PRIMA1: variants seen among roughly 807,000 people sequenced by gnomAD.
The protein encoded by PRIMA1 is proline-rich membrane anchor 1.
In PRIMA1, 7 loss-of-function variants were observed where a neutral mutation model predicts 17.5. The observed-to-expected ratio is 0.40, with a 90% confidence interval of 0.23 to 0.75. The LOEUF is 0.75. Ranked by LOEUF, PRIMA1 falls within the 30% of genes least tolerant of loss-of-function variation. The pLI is 0.37. For missense variants in PRIMA1, 200 were observed against 201.8 expected (o/e 0.99, Z 0.05); for synonymous variants, 97 against 77.9 (o/e 1.25, Z -1.29).
In PRIMA1 at chr14:93,788,482, G is replaced by C. The variant is rs568606280; in HGVS notation, c.-104C>G. On this transcript the variant is annotated 5_prime_UTR_variant, in exon 1 of 5. Transcript: ENST00000393140. ...TCCGCGTTCCCCCCGCGGCAGCTCT[G>C]TTTCCCAGCAGCCGGACAGCCCCCA... is the stretch of plus-strand genomic sequence containing the variant. 4 of 152,424 alleles carry C rather than the reference G, an allele frequency of 2.6e-5. No homozygotes were observed. The East Asian group carries it at 5.8e-4, about 22-fold the overall frequency. 9.4% of individuals were successfully genotyped at this position (152,424 alleles called of 1,614,324 possible).
intron 3 of PRIMA1, among the ~76,000 whole-genome samples, chr14:93,759,305 G>A (rs964072075): frequency 1.5e-4 from 23 of 152,078 alleles, no homozygotes; most frequent in Non-Finnish European, 2.2e-4. Context: ...AGTAAATGCC[G>A]GTAGTGCTTA....
chr14:93,765,457 T>C (rs1884866581), intron 3 of PRIMA1, among the ~76,000 whole-genome samples: 1 of 149,706 alleles, frequency 6.7e-6, no homozygotes, highest in Non-Finnish European at 1.5e-5. Context: ...AATTTCATAA[T>C]AAGATGAGCT....
At chr14:93,730,248 G>A (rs900893009) in intron 4 of PRIMA1, among the ~76,000 whole-genome samples, 5 of 152,216 alleles carry the variant, frequency 3.3e-5, no homozygotes, top group African/African-American at 4.8e-5. Flanking sequence ...CCACGCATTC[G>A]CAAGGGTGTG....
chr14:93,733,586 G>A (rs967519762), intron 4 of PRIMA1, among the ~76,000 whole-genome samples: 1 of 152,020 alleles, frequency 6.6e-6, no homozygotes, highest in African/African-American at 2.4e-5. Flanking sequence ...CATCCTCTTG[G>A]CAACCTGGCT....
intron 2 of PRIMA1, among the ~76,000 whole-genome samples, chr14:93,779,996 G>A (rs11626167): frequency 0.35 from 52,524 of 152,146 alleles, 9,670 homozygotes; most frequent in Non-Finnish European, 0.41. Flanking sequence ...CCCACCCCTC[G>A]TGGGATCATG....
intron 3 of PRIMA1, among the ~76,000 whole-genome samples, chr14:93,746,456 G>A (rs887683098): frequency 1.3e-5 from 2 of 152,112 alleles, no homozygotes; most frequent in African/African-American, 4.8e-5. Flanking sequence ...TGGCTGGAGT[G>A]CAGGCCCGGA....
At chr14:93,743,082 C>T (rs751675329) in intron 3 of PRIMA1, among the ~76,000 whole-genome samples, 6 of 152,272 alleles carry the variant, frequency 3.9e-5, no homozygotes, top group African/African-American at 1.4e-4. Flanking sequence ...ATAGGAATGC[C>T]GTCTGAGTCT....
chr14:93,748,041 T>TGTGA (rs146271876), intron 3 of PRIMA1, among the ~76,000 whole-genome samples: 123,828 of 150,166 alleles, frequency 0.82, 51,611 homozygotes, highest in Non-Finnish European at 0.87. Context: ...TGTGTGGGAG[T>TGTGA]GTGTGAGTGT....
At chr14:93,730,699 T>C (rs1454032486) in intron 4 of PRIMA1, among the ~76,000 whole-genome samples, 1 of 152,210 alleles carries the variant, frequency 6.6e-6, no homozygotes, top group African/African-American at 2.4e-5. Flanking sequence ...ACACATTCAG[T>C]AAGAACTAAC....
intron 3 of PRIMA1, among the ~76,000 whole-genome samples, chr14:93,752,143 C>T (rs1207975329): frequency 3.9e-5 from 6 of 152,318 alleles, no homozygotes; most frequent in Admixed American, 6.5e-5. Flanking sequence ...GACAGCCACC[C>T]GGATCCTGCC....
At chr14:93,742,178 G>A (rs1476013115) in intron 3 of PRIMA1, among the ~76,000 whole-genome samples, 1 of 152,222 alleles carries the variant, frequency 6.6e-6, no homozygotes, top group Non-Finnish European at 1.5e-5. Context: ...GTTTTTAAAA[G>A]AGGCAACCAA....
rs367993602 is a variant in PRIMA1 at position 93,735,619 on chromosome 14, A to G, written c.359+1622T>C. On this transcript the variant is annotated intron_variant, in intron 4 of 4. Coordinates refer to ENST00000393140, the MANE Select transcript of PRIMA1 (RefSeq NM_178013.4). The stretch of plus-strand genomic sequence containing the variant: ...CAAGCCTGGCACAAAGAAGGTGCCT[A>G]CAAAACACGTGGGAATTGGATTAGC... Among the ~76,000 whole-genome samples the G allele has an allele frequency of 2.4e-4, 37 of 151,976 alleles. No individual in the cohort carries two copies. In the East Asian group the frequency reaches 4.5e-3, roughly 18 times the overall value.
rs760874562 is a variant in PRIMA1, at chr14:93,779,307, G to C, written c.98C>G (p.Thr33Arg). ...GCAGGACTTCTGGGGCTCACCATGC[G>C]TCACCTGTACACATGGGCACACGTA... ...LHPLWGFVQV[T>R]HGEPQKSCSK... The change falls in exon 3 of 5, where the codon ACG becomes AGG. Residue 33 changes from threonine to arginine, a missense_variant. Coordinates refer to ENST00000393140, the MANE Select transcript of PRIMA1 (RefSeq NM_178013.4). The C allele has an allele frequency of 6.4e-7, 1 of 1,552,708 alleles. No individual in the cohort carries two copies.
In PRIMA1 at chr14:93,734,273, C is replaced by A. The variant is rs148714373; in HGVS notation, c.359+2968G>T. The stretch of plus-strand genomic sequence containing the variant: ...TGCTTCACGGGCTTTCTGCCCTGTG[C>A]CCCCGGGAGGCCGACCTTACTGACG... On this transcript the variant is annotated intron_variant, in intron 4 of 4. Transcript: ENST00000393140. Among the ~76,000 whole-genome samples, 382 of 152,314 alleles carry A rather than the reference C, an allele frequency of 2.5e-3. 2 individuals carry two copies. The highest frequency in any genetic ancestry group is 0.023 in the South Asian group (109 of 4,816).
intron 2 of PRIMA1, 100 bp from the exon 3 acceptor site, chr14:93,779,411 C>T: frequency 1.0e-6 from 1 of 992,764 alleles, no homozygotes; most frequent in African/African-American, 1.7e-5. Flanking sequence ...CAGGCTGGGA[C>T]TTGGGATTCC....
At chr14:93,748,588 C>A (rs774758785) in intron 3 of PRIMA1, among the ~76,000 whole-genome samples, 2 of 152,148 alleles carry the variant, frequency 1.3e-5, no homozygotes, top group East Asian at 1.9e-4. Flanking sequence ...TCTCTGCCCC[C>A]CTGGCTGGTG....
intron 4 of PRIMA1, among the ~76,000 whole-genome samples, chr14:93,729,121 C>A (rs1408812278): frequency 6.6e-6 from 1 of 152,166 alleles, no homozygotes; most frequent in African/African-American, 2.4e-5. Flanking sequence ...GGCGCACTGG[C>A]CAAGGAGTCA....
At chr14:93,788,705 G>A (rs1316210747), upstream of PRIMA1, among the ~76,000 whole-genome samples, 1 of 152,078 alleles carries the variant, frequency 6.6e-6, no homozygotes, top group Non-Finnish European at 1.5e-5. Flanking sequence ...GGGGCGCAGG[G>A]CGCGGTGGCT....
chr14:93,734,582 C>G (rs2076136242), intron 4 of PRIMA1, among the ~76,000 whole-genome samples: 1 of 144,694 alleles, frequency 6.9e-6, no homozygotes, highest in Non-Finnish European at 1.5e-5. Context: ...CACTTGCTCT[C>G]TGGGCCTGCC....
Sources: allele counts gnomAD v4.1 joint callset (sites outside exome capture counted in the v4.1 genomes callset), GRCh38; gene constraint gnomAD v4.1.1; transcripts MANE v1.5; gene names NCBI Gene and HGNC (gene_info 2026-07-23, HGNC 2026-07-21).